Variants in LRRC1 observed in about 807,000 individuals in gnomAD.
LRRC1 encodes the protein leucine-rich repeat-containing protein 1.
In LRRC1, 28 loss-of-function variants were observed where a neutral mutation model predicts 69.9. That is an observed-to-expected ratio of 0.40 (90% confidence interval 0.30 to 0.55). The LOEUF (loss-of-function observed/expected upper bound fraction) is 0.55. Ranked by LOEUF, LRRC1 falls within the 20% of genes least tolerant of loss-of-function variation. LRRC1 has a pLI of 0.47. For synonymous variants in LRRC1, 236 were observed against 240.2 expected (o/e 0.98, Z 0.16); for missense variants, 498 against 609.0 (o/e 0.82, Z 1.92).
At chr6:53,814,338 A>G (rs891160050) in intron 1 of LRRC1, among the ~76,000 whole-genome samples, 1 of 152,226 alleles carries the variant, frequency 6.6e-6, no homozygotes, top group Non-Finnish European at 1.5e-5. Context: ...TTGCCCTTAA[A>G]TTAATCACTC....
intron 1 of LRRC1, among the ~76,000 whole-genome samples, chr6:53,804,241 ATTT>A (rs533855543): frequency 6.6e-6 from 1 of 152,092 alleles, no homozygotes; most frequent in African/African-American, 2.4e-5. Context: ...ATTGTATTAA[ATTT>A]TTTTATTTTA....
intron 3 of LRRC1, 95 bp downstream of exon 3, chr6:53,879,166 A>T: frequency 1.4e-6 from 1 of 736,682 alleles, no homozygotes. Context: ...TCTTGGAGGT[A>T]CCTAGATGGA....
At chr6:53,834,517 T>C (rs538107041) in intron 1 of LRRC1, among the ~76,000 whole-genome samples, 1 of 152,218 alleles carries the variant, frequency 6.6e-6, no homozygotes, top group Non-Finnish European at 1.5e-5. Flanking sequence ...CAGGTAGTTA[T>C]CTGAGGATTT....
At chr6:53,897,185 G>A (rs949072812) in intron 6 of LRRC1, 100 bp from the exon 7 acceptor site, 5 of 768,460 alleles carry the variant, frequency 6.5e-6, no homozygotes, top group East Asian at 2.6e-5. Flanking sequence ...CATCTGCTAA[G>A]GTACCCAGTT....
chr6:53,798,829 C>G lies in LRRC1; in HGVS notation c.159+3414C>G, dbSNP rs527626555. ...CTTTTCCCTTAAGCATATCACTGCT[C>G]CAGCATCTATCCTTTTCTAATATAG... On this transcript the variant is annotated intron_variant, in intron 1 of 13. Transcript: ENST00000370888. Among the ~76,000 whole-genome samples, 17 of 152,348 alleles carry G rather than the reference C, an allele frequency of 1.1e-4. No homozygotes were observed. In the South Asian group the frequency reaches 3.3e-3, roughly 30 times the overall value.
chr6:53,825,673 T>C (rs994885436), intron 1 of LRRC1, among the ~76,000 whole-genome samples: 14 of 152,046 alleles, frequency 9.2e-5, no homozygotes, highest in Admixed American at 6.5e-4. Context: ...GCAGACCTAT[T>C]GAGTAAACTC....
intron 2 of LRRC1, among the ~76,000 whole-genome samples, chr6:53,866,268 G>T (rs752573309): frequency 6.6e-6 from 1 of 152,140 alleles, no homozygotes; most frequent in African/African-American, 2.4e-5. Flanking sequence ...CCTCTCAGTA[G>T]ACTTGTGAGG....
intron 2 of LRRC1, among the ~76,000 whole-genome samples, chr6:53,848,114 A>T (rs972251895): frequency 6.6e-6 from 1 of 152,194 alleles, no homozygotes; most frequent in Non-Finnish European, 1.5e-5. Context: ...CATTGTTAAA[A>T]TATCACAGGA....
chr6:53,822,091 G>A (rs961510378), intron 1 of LRRC1, among the ~76,000 whole-genome samples: 4 of 152,100 alleles, frequency 2.6e-5, no homozygotes, highest in Admixed American at 6.5e-5. Context: ...CCCTAGCTGT[G>A]TATTTCTAGG....
At chr6:53,839,118 A>ATTTTTC (rs1476191703) in intron 1 of LRRC1, among the ~76,000 whole-genome samples, 1 of 151,852 alleles carries the variant, frequency 6.6e-6, no homozygotes, top group Non-Finnish European at 1.5e-5. Flanking sequence ...ATATGCAATC[A>ATTTTTC]TTTTTCTTAT....
At chr6:53,866,293 A>C (rs1766701225) in intron 2 of LRRC1, among the ~76,000 whole-genome samples, 1 of 152,170 alleles carries the variant, frequency 6.6e-6, no homozygotes, top group South Asian at 2.1e-4. Flanking sequence ...GGAGACAGAG[A>C]TTCCAGATCC....
rs1376722262 is a variant in LRRC1 at position 53,883,959 on chromosome 6, C to A, written c.446+983C>A. The stretch of plus-strand genomic sequence containing the variant: ...CTTTCTATCCTCTTCAGGCAGAAGA[C>A]AACTAGCTGACACCTGTTCAGCCAG... On this transcript the variant is annotated intron_variant, in intron 4 of 13. Coordinates refer to ENST00000370888, the MANE Select transcript of LRRC1 (RefSeq NM_018214.5). The A allele has an allele frequency of 4.2e-6, 3 of 717,920 alleles. No homozygotes were observed. The African/African-American group carries it at 5.2e-5, about 13-fold the overall frequency. The allele number at this position is 717,920 out of a possible 1,614,324, so 44.5% of individuals were successfully genotyped here. A position where few individuals can be genotyped will look rare whatever the true frequency, so the allele number is the denominator to read the frequency against.
chr6:53,918,956 A>T (rs2127442930), intron 11 of LRRC1: 1 of 152,408 alleles, frequency 6.6e-6, no homozygotes, highest in East Asian at 1.9e-4. Context: ...AGAGAAAGCA[A>T]ATGGAGTCCA....
intron 2 of LRRC1, among the ~76,000 whole-genome samples, chr6:53,863,142 G>T (rs1766585980): frequency 6.6e-6 from 1 of 152,188 alleles, no homozygotes. Flanking sequence ...TTCACTGCTA[G>T]TTGTTTTATT....
intron 1 of LRRC1, among the ~76,000 whole-genome samples, chr6:53,808,287 T>G (rs563855348): frequency 6.6e-6 from 1 of 152,084 alleles, no homozygotes; most frequent in South Asian, 2.1e-4. Context: ...AGGATGTAGA[T>G]TTTTGGTTGT....
chr6:53,842,086 A>ATGTT (rs1562039472), intron 1 of LRRC1, 24 bp from the exon 2 acceptor site: 1 of 1,409,734 alleles, frequency 7.1e-7, no homozygotes, highest in Non-Finnish European at 1.0e-6. Context: ...TGTGAAATCT[A>ATGTT]TGTTAAACTC....
At chr6:53,835,016 C>T (rs1765573695) in intron 1 of LRRC1, among the ~76,000 whole-genome samples, 1 of 152,084 alleles carries the variant, frequency 6.6e-6, no homozygotes, top group Admixed American at 6.5e-5. Flanking sequence ...ATCCCCAGCC[C>T]AGTCTTTTCT....
chr6:53,911,861 G>A (rs1768422418), intron 10 of LRRC1, among the ~76,000 whole-genome samples: 1 of 152,282 alleles, frequency 6.6e-6, no homozygotes, highest in Admixed American at 6.5e-5. Context: ...ATATTTCTGG[G>A]CACCTAGGTA....
At chr6:53,902,777 G>C in intron 9 of LRRC1, 30 bp downstream of exon 9, 1 of 1,325,628 alleles carries the variant, frequency 7.5e-7, no homozygotes, top group Non-Finnish European at 1.1e-6. Context: ...ATATCATAAA[G>C]ACTTACTAGG....
Sources: allele counts gnomAD v4.1 joint callset (sites outside exome capture counted in the v4.1 genomes callset), GRCh38; gene constraint gnomAD v4.1.1; transcripts MANE v1.5; gene names NCBI Gene and HGNC (gene_info 2026-07-23, HGNC 2026-07-21).